Variants in PSMG2 observed in about 807,000 individuals in gnomAD.
PSMG2 encodes the protein CD40 ligand-activated specific transcript 3.
PSMG2 carries 21 observed loss-of-function variants against 31.5 expected under a neutral mutation model. That is an observed-to-expected ratio of 0.67 (90% CI 0.47 to 0.96). The LOEUF is 0.96. Among genes scored for constraint, PSMG2 ranks in the 40% least tolerant of loss-of-function variants. The pLI is 0.00. For missense variants in PSMG2, 318 were observed against 321.2 expected (o/e 0.99, Z 0.08); for synonymous variants, 120 against 110.4 (o/e 1.09, Z -0.54).
At chr18:12,714,936 C>A (rs548665167) in intron 3 of PSMG2, among the ~76,000 whole-genome samples, 2 of 151,484 alleles carry the variant, frequency 1.3e-5, no homozygotes, top group South Asian at 2.1e-4. Context: ...AACTCCTGAC[C>A]TCAGGTGATC....
At chr18:12,687,051 T>C (rs1333952145) in intron 1 of PSMG2, among the ~76,000 whole-genome samples, 6 of 152,192 alleles carry the variant, frequency 3.9e-5, no homozygotes, top group Non-Finnish European at 7.3e-5. Flanking sequence ...ATAACTTGTA[T>C]GCATATATAG....
intron 1 of PSMG2, chr18:12,691,093 G>A (rs2145068981): frequency 3.3e-6 from 1 of 303,380 alleles, no homozygotes. Context: ...ATTCAGAAAG[G>A]GTTTAAAACA....
At chr18:12,724,790 C>CA (rs1409927069) in intron 6 of PSMG2, 171 bp downstream of exon 6, 90 of 655,434 alleles carry the variant, frequency 1.4e-4, no homozygotes, top group Non-Finnish European at 1.8e-4. Context: ...GACAGTTAAC[C>CA]AACCTATTAT....
intron 1 of PSMG2, among the ~76,000 whole-genome samples, chr18:12,704,844 A>T (rs925111142): frequency 2.0e-5 from 3 of 152,196 alleles, no homozygotes; most frequent in Non-Finnish European, 4.4e-5. Flanking sequence ...AGGGAATTGC[A>T]GGAGGTAACT....
chr18:12,702,511 T>G (rs991612156), upstream of PSMG2: 2 of 1,609,972 alleles, frequency 1.2e-6, no homozygotes, highest in Non-Finnish European at 1.7e-6. Context: ...GTGGATGAGC[T>G]GCTTCAGCTC....
intron 3 of PSMG2, 27 bp downstream of exon 3, chr18:12,712,787 GTTTA>G (rs749070610): frequency 6.5e-7 from 1 of 1,529,126 alleles, no homozygotes; most frequent in African/African-American, 1.4e-5. Context: ...TTGCCTTTTT[GTTTA>G]TTAAAGTGTA....
At chr18:12,714,478 C>T (rs1043199127) in intron 3 of PSMG2, among the ~76,000 whole-genome samples, 12 of 149,548 alleles carry the variant, frequency 8.0e-5, no homozygotes, top group Non-Finnish European at 1.6e-4. Flanking sequence ...CCTAAACAAT[C>T]CTTTCTTCCT....
chr18:12,708,738 TC>T (rs1460266952), intron 2 of PSMG2, among the ~76,000 whole-genome samples: 1 of 150,328 alleles, frequency 6.7e-6, no homozygotes, highest in African/African-American at 2.4e-5. Context: ...AGAGTTTTGT[TC>T]TTGTTGCCCA....
upstream of PSMG2, among the ~76,000 whole-genome samples, chr18:12,701,299 T>A (rs1568035852): frequency 6.6e-6 from 1 of 152,216 alleles, no homozygotes; most frequent in Non-Finnish European, 1.5e-5. Flanking sequence ...CCACTGGTTA[T>A]CTGGCACCTT....
rs971252106 is a variant in PSMG2 at position 12,696,430 on chromosome 18, G to C, written c.-36-10120G>C. ...AGCCAGTATAATCGCTTGAACCCAG[G>C]AGGCGGGGGTTGCAGTGAGCCGAGA... is the stretch of plus-strand genomic sequence containing the variant. On this transcript the variant is annotated intron_variant, in intron 1 of 6. Transcript: ENST00000585331. 2.0e-5 allele frequency among the ~76,000 whole-genome samples: 3 copies of C among 152,074 alleles called. No homozygotes were observed. In the East Asian group the frequency reaches 5.8e-4, roughly 29 times the overall value.
intron 1 of PSMG2, among the ~76,000 whole-genome samples, chr18:12,695,809 T>C (rs1333395979): frequency 3.3e-5 from 5 of 151,596 alleles, no homozygotes; most frequent in Non-Finnish European, 7.4e-5. Flanking sequence ...CAGACTTACA[T>C]TAAATTCAAA....
chr18:12,713,417 C>T (rs184288093), intron 3 of PSMG2, among the ~76,000 whole-genome samples: 7 of 152,284 alleles, frequency 4.6e-5, no homozygotes, highest in African/African-American at 1.7e-4. Flanking sequence ...AAATCTGCCT[C>T]CCTGTGCTGA....
At chr18:12,713,566 T>A (rs1003916096) in intron 3 of PSMG2, among the ~76,000 whole-genome samples, 12 of 152,148 alleles carry the variant, frequency 7.9e-5, no homozygotes, top group Non-Finnish European at 5.9e-5. Context: ...ATAGGGCTCA[T>A]GTGCCAATTC....
At chr18:12,722,680 TACTC>T (rs1278260858) in intron 5 of PSMG2, among the ~76,000 whole-genome samples, 1 of 152,216 alleles carries the variant, frequency 6.6e-6, no homozygotes, top group Non-Finnish European at 1.5e-5. Flanking sequence ...ATATTTAAAA[TACTC>T]AGTTGTATCA....
chr18:12,680,560 G>A, intron 1 of PSMG2: 1 of 794,766 alleles, frequency 1.3e-6, no homozygotes, highest in Non-Finnish European at 1.9e-6. Context: ...TTGTGCCAGT[G>A]CACTCCAGCC....
intron 1 of PSMG2, chr18:12,672,824 A>G (rs2038981708): frequency 1.0e-6 from 1 of 984,290 alleles, no homozygotes; most frequent in Non-Finnish European, 1.2e-6. Flanking sequence ...TCAAGGTCCA[A>G]CCATAAATTT....
chr18:12,715,562 G>A (rs1264192693), intron 3 of PSMG2, among the ~76,000 whole-genome samples: 3 of 152,054 alleles, frequency 2.0e-5, no homozygotes, highest in Non-Finnish European at 4.4e-5. Flanking sequence ...CTGGAGTGCA[G>A]TGGCGTGATC....
intron 1 of PSMG2, among the ~76,000 whole-genome samples, chr18:12,666,436 G>A (rs945702907): frequency 7.9e-6 from 1 of 126,624 alleles, no homozygotes; most frequent in Non-Finnish European, 1.7e-5. Context: ...AAATTTTATG[G>A]TTTTTTTTTT....
chr18:12,679,553 G>C (rs1568014784), intron 1 of PSMG2, among the ~76,000 whole-genome samples: 1 of 152,034 alleles, frequency 6.6e-6, no homozygotes, highest in Non-Finnish European at 1.5e-5. Flanking sequence ...ATTTTTCGTG[G>C]CCATGTGACA....
Sources: gnomAD v4.1 joint callset for allele counts (sites outside exome capture counted in the v4.1 genomes callset) on GRCh38, gnomAD v4.1.1 for gene constraint, MANE v1.5 for transcripts, NCBI Gene and HGNC (gene_info 2026-07-23, HGNC 2026-07-21) for gene names.